The following ALMS1 variants were observed in gnomAD, a reference collection of about 807,000 sequenced individuals.
ALMS1 encodes the protein centrosome-associated protein ALMS1.
Under a neutral mutation model 352.2 loss-of-function variants are expected in ALMS1, and 271 were observed. The observed-to-expected ratio is 0.77, with a 90% CI of 0.70 to 0.85. The LOEUF (loss-of-function observed/expected upper bound fraction) is 0.85. ALMS1 is among the 40% of genes least tolerant of loss of function. The pLI is 0.00. For synonymous variants in ALMS1, 1,865 were observed against 1,761.2 expected (o/e 1.06, Z -1.48); for missense variants, 5,445 against 4,870.7 (o/e 1.12, Z -3.51).
At chr2:73,568,009 T>C (rs1573026649) in intron 15 of ALMS1, among the ~76,000 whole-genome samples, 1 of 152,140 alleles carries the variant, frequency 6.6e-6, no homozygotes, top group Non-Finnish European at 1.5e-5. Flanking sequence ...TTTCTTACTA[T>C]GCAAAGAGCT....
intron 9 of ALMS1, among the ~76,000 whole-genome samples, chr2:73,481,671 A>C (rs1332667353): frequency 6.6e-6 from 1 of 150,624 alleles, no homozygotes; most frequent in Non-Finnish European, 1.5e-5. Flanking sequence ...CTTGGGCCGT[A>C]TGGCCATTTT....
chr2:73,590,804 G>A (rs1438205271), intron 16 of ALMS1, among the ~76,000 whole-genome samples: 1 of 149,924 alleles, frequency 6.7e-6, no homozygotes, highest in African/African-American at 2.5e-5. Context: ...TCAGCCTCCT[G>A]AGTAGTTGGG....
intron 8 of ALMS1, 46 bp from the exon 9 acceptor site, chr2:73,455,116 T>G (rs1204724733): frequency 4.4e-6 from 7 of 1,605,098 alleles, no homozygotes; most frequent in Non-Finnish European, 6.0e-6. Flanking sequence ...GTTGACAAAT[T>G]ATCACTTTTG....
chr2:73,391,294 CTTTT>C (rs397972016), intron 1 of ALMS1, among the ~76,000 whole-genome samples: 2 of 114,976 alleles, frequency 1.7e-5, no homozygotes, highest in Admixed American at 9.9e-5. Flanking sequence ...ACGTTTTATT[CTTTT>C]TTTTTTTTTT....
chr2:73,479,335 G>A (rs1572959860), intron 9 of ALMS1, among the ~76,000 whole-genome samples: 1 of 152,058 alleles, frequency 6.6e-6, no homozygotes, highest in Admixed American at 6.5e-5. Flanking sequence ...CACTACAAAG[G>A]TGCCTCATGA....
chr2:73,453,929 A>G lies in ALMS1; in HGVS notation c.7402A>G (p.Ser2468Gly), dbSNP rs1007457582. The change falls in exon 8 of 23, where the codon AGT becomes GGT. Residue 2468 changes from serine to glycine, a missense_variant. Ser to Gly is a moderately conservative substitution (Grantham distance 56, BLOSUM62 0). Coordinates refer to ENST00000613296, the MANE Select transcript of ALMS1 (RefSeq NM_001378454.1). Reference protein sequence around the residue: ...DSREEEGVSESEDGGGSSVDS... With the variant: ...DSREEEGVSEGEDGGGSSVDS... ...CAGGGAGGAAGAGGGTGTGTCAGAG[A>G]GTGAGGATGGTGGTGGTAGCAGTGT... The G allele has an allele frequency of 8.1e-6, 13 of 1,613,946 alleles. No homozygotes were observed. In the African/African-American group the frequency reaches 1.7e-4, roughly 22 times the overall value.
At chr2:73,465,222 A>T (rs1220453441) in intron 9 of ALMS1, among the ~76,000 whole-genome samples, 1 of 152,010 alleles carries the variant, frequency 6.6e-6, no homozygotes, top group African/African-American at 2.4e-5. Context: ...GCATCACACT[A>T]CCTGACTTCA....
At chr2:73,536,315 A>G (rs1360584472) in intron 12 of ALMS1, among the ~76,000 whole-genome samples, 2 of 152,198 alleles carry the variant, frequency 1.3e-5, no homozygotes, top group Non-Finnish European at 2.9e-5. Flanking sequence ...TAACACTTCC[A>G]TCTGGTTGGA....
intron 2 of ALMS1, 29 bp from the exon 3 acceptor site, chr2:73,419,094 T>G: frequency 6.4e-7 from 1 of 1,569,222 alleles, no homozygotes; most frequent in Non-Finnish European, 8.8e-7. Flanking sequence ...GTTAATGACT[T>G]AGCATGTTTT....
Position 73,572,453 on chromosome 2 carries a change from A to T in ALMS1, c.10576A>T (p.Met3526Leu). The change falls in exon 16 of 23, where the codon ATG becomes TTG. Residue 3526 changes from methionine (M) to leucine (L), a missense_variant. Transcript: ENST00000613296. Reference sequence around the variant, plus strand: ...TCATCCAGACAAACATAGAGAACACATGTGTCTTCCTCTTCCTTATCAAAA... The same window carrying T: ...TCATCCAGACAAACATAGAGAACACTTGTGTCTTCCTCTTCCTTATCAAAA... ...QHHPDKHREH[M>L]CLPLPYQNMD... 6.2e-7 allele frequency: 1 copy of T among 1,614,042 alleles called. No homozygotes were observed. The highest frequency in any genetic ancestry group is 1.1e-5 in the South Asian group (1 of 91,042).
intron 1 of ALMS1, among the ~76,000 whole-genome samples, chr2:73,399,508 G>A (rs1207583203): frequency 6.6e-6 from 1 of 151,846 alleles, no homozygotes; most frequent in Non-Finnish European, 1.5e-5. Flanking sequence ...GGGAGGAGGT[G>A]CCACTCTTTT....
At chr2:73,397,576 T>C (rs1385737960) in intron 1 of ALMS1, among the ~76,000 whole-genome samples, 1 of 152,164 alleles carries the variant, frequency 6.6e-6, no homozygotes, top group African/African-American at 2.4e-5. Context: ...CAAGTGATTC[T>C]CCTGCCTCAG....
Position 73,600,699 on chromosome 2 carries a change from G to A in ALMS1, c.11690G>A (p.Gly3897Asp), listed in dbSNP as rs778839231. 6 of 1,613,784 alleles carry A rather than the reference G, an allele frequency of 3.7e-6. No homozygotes were observed. The highest frequency in any genetic ancestry group is 1.7e-5 in the Admixed American group (1 of 59,980). The change falls in exon 18 of 23, where the codon GGT (glycine) becomes GAT (aspartate). Residue 3897 changes from glycine (G) to aspartate (D), a missense_variant. Coordinates refer to ENST00000613296, the MANE Select transcript of ALMS1 (RefSeq NM_001378454.1). ...IQAGNLEIVN[G>D]AKKHTRDVGI... is the part of the protein sequence containing the mutation. The stretch of plus-strand genomic sequence containing the variant: ...TCAGGTAACTTGGAGATTGTGAACG[G>A]TGCCAAAAAACACACTCGAGATGTT...
intron 13 of ALMS1, among the ~76,000 whole-genome samples, chr2:73,556,552 G>A (rs1674546224): frequency 6.6e-6 from 1 of 151,432 alleles, no homozygotes; most frequent in Non-Finnish European, 1.5e-5. Context: ...CTCCATAAGT[G>A]GTAAAAACTT....
In ALMS1 at chr2:73,490,922, C is replaced by A; in HGVS notation, c.8963C>A (p.Pro2988His). The A allele has an allele frequency of 6.2e-7, 1 of 1,614,120 alleles. No individual in the cohort carries two copies. The highest frequency in any genetic ancestry group is 8.5e-7 in the Non-Finnish European group (1 of 1,180,018). ...ATGAATAAACACCATTTTCCCCTTC[C>A]TCAAGGTCAGGATTGTGTAGTGGAA... ...DQMNKHHFPL[P>H]QGQDCVVEKN... Residue 2988 changes from proline to histidine, a missense_variant, in exon 10 of 23, where the codon CCT becomes CAT. Transcript: ENST00000613296.
At chr2:73,410,546 T>C (rs1434875923) in intron 2 of ALMS1, among the ~76,000 whole-genome samples, 1 of 152,220 alleles carries the variant, frequency 6.6e-6, no homozygotes, top group Non-Finnish European at 1.5e-5. Flanking sequence ...GGATTCTCAG[T>C]CTGCTCTGCA....
At chr2:73,561,277 G>C (rs944742920) in intron 15 of ALMS1, among the ~76,000 whole-genome samples, 1 of 152,172 alleles carries the variant, frequency 6.6e-6, no homozygotes, top group African/African-American at 2.4e-5. Flanking sequence ...ACTAGTTACA[G>C]AGAACAGGAA....
In ALMS1 at chr2:73,609,614, A is replaced by G; in HGVS notation, c.*2A>G. The G allele has an allele frequency of 6.2e-7, 1 of 1,613,984 alleles. No individual in the cohort carries two copies. The highest frequency in any genetic ancestry group is 1.1e-5 in the South Asian group (1 of 91,076). ...GGGAGAAAAGTTCCCTGGGACTGAC[A>G]CAAGTTTATTTTCCTCAGAGCCTTG... On this transcript the variant is annotated 3_prime_UTR_variant, in exon 23 of 23. Transcript: ENST00000613296.
At chr2:73,608,133 C>G (rs1185904826) in intron 21 of ALMS1, among the ~76,000 whole-genome samples, 1 of 152,184 alleles carries the variant, frequency 6.6e-6, no homozygotes, top group Non-Finnish European at 1.5e-5. Flanking sequence ...TAACGCTGTT[C>G]ATTATCTTAT....
Sources: allele counts gnomAD v4.1 joint callset (sites outside exome capture counted in the v4.1 genomes callset), GRCh38; gene constraint gnomAD v4.1.1; transcripts MANE v1.5; gene names NCBI Gene and HGNC (gene_info 2026-07-23, HGNC 2026-07-21).